The following CDH13 variants were observed in gnomAD, a reference collection of about 807,000 sequenced individuals.
CDH13 encodes cadherin 13, also known as cadherin-13.
CDH13 carries 24 observed loss-of-function variants against 63.8 expected under a neutral mutation model. The ratio of observed to expected loss-of-function variants is 0.38; its 90% confidence interval spans 0.27 to 0.53. The LOEUF is 0.53. Ranked by LOEUF, CDH13 falls within the 20% of genes least tolerant of loss-of-function variation. The pLI is 0.85. For missense variants in CDH13, 1,049 were observed against 903.1 expected (o/e 1.16, Z -2.07); for synonymous variants, 503 against 355.3 (o/e 1.42, Z -4.67).
chr16:82,815,443 G>A (rs1241306757), intron 1 of CDH13, among the ~76,000 whole-genome samples: 2 of 152,140 alleles, frequency 1.3e-5, no homozygotes, highest in Non-Finnish European at 2.9e-5. Context: ...GTGGTTGTGA[G>A]GATTACACGA....
chr16:83,125,490 G>T lies in CDH13; in HGVS notation c.472G>T (p.Asp158Tyr), dbSNP rs369911404. ...GAATCAGAGACAGCCTTTCCCAAGA[G>T]ATGTTGGCAAGGTAAGTCAGACAAA... Reference protein sequence around the residue: ...PENQRQPFPRDVGKVVDSDRP... With the variant: ...PENQRQPFPRYVGKVVDSDRP... The change falls in exon 4 of 14, where the codon GAT becomes TAT. Residue 158 changes from aspartate to tyrosine, a missense_variant. Physicochemically the swap from Asp to Tyr is radical, Grantham distance 160 (BLOSUM62 -3). Transcript: ENST00000567109. 5.0e-6 allele frequency: 8 copies of T among 1,586,078 alleles called. No individual in the cohort carries two copies. The Admixed American group carries it at 8.3e-5, about 17-fold the overall frequency.
At chr16:83,237,214 G>A (rs1042273528) in intron 5 of CDH13, among the ~76,000 whole-genome samples, 9 of 152,216 alleles carry the variant, frequency 5.9e-5, no homozygotes, top group African/African-American at 1.4e-4. Context: ...AGGGAAGGCA[G>A]AAGAGCAGCC....
chr16:83,471,275 C>CTTTT lies in CDH13; in HGVS notation c.782-15188_782-15185dup, dbSNP rs34765413. ...TGGGACCATTATTTTTCTAACCACCCTTTTTTTTTTTTTTTTTGAGACGTA... is the reference window on the plus strand; with the variant it reads ...TGGGACCATTATTTTTCTAACCACCCTTTTTTTTTTTTTTTTTTTTTGAGACGTA... On this transcript the variant is annotated intron_variant, in intron 6 of 13. Transcript: ENST00000567109. Among the ~76,000 whole-genome samples the CTTTT allele has an allele frequency of 1.5e-4, 18 of 121,970 alleles. 1 individual carries two copies. The highest frequency in any genetic ancestry group is 2.4e-4 in the East Asian group (1 of 4,212). The allele number at this position is 121,970 out of a possible 152,430, so 80.0% of individuals were successfully genotyped here. A position where few individuals can be genotyped will look rare whatever the true frequency, so the allele number is the denominator to read the frequency against.
At chr16:83,041,675 A>G (rs573001170) in intron 3 of CDH13, among the ~76,000 whole-genome samples, 45 of 152,190 alleles carry the variant, frequency 3.0e-4, no homozygotes, top group Non-Finnish European at 5.9e-4. Flanking sequence ...TTTAGCGAAA[A>G]TTTTTGTGGA....
intron 1 of CDH13, among the ~76,000 whole-genome samples, chr16:82,697,291 C>A (rs564268633): frequency 6.6e-6 from 1 of 152,056 alleles, no homozygotes; most frequent in Non-Finnish European, 1.5e-5. Context: ...GTTAATAGCA[C>A]AGTTGATCCA....
chr16:82,648,876 G>A (rs767146395), intron 1 of CDH13, among the ~76,000 whole-genome samples: 2 of 152,222 alleles, frequency 1.3e-5, no homozygotes, highest in Non-Finnish European at 2.9e-5. Flanking sequence ...CAGTGTGGAA[G>A]ATGGATTGAA....
At chr16:82,924,448 A>G (rs1481555276) in intron 2 of CDH13, among the ~76,000 whole-genome samples, 1 of 152,222 alleles carries the variant, frequency 6.6e-6, no homozygotes, top group East Asian at 1.9e-4. Context: ...ATATTTATTT[A>G]CTCAGGTGGT....
intron 5 of CDH13, among the ~76,000 whole-genome samples, chr16:83,282,380 C>T (rs1429604791): frequency 6.6e-6 from 1 of 152,096 alleles, no homozygotes; most frequent in Non-Finnish European, 1.5e-5. Context: ...TTGTAAAAAA[C>T]ACAATAGCTG....
chr16:83,096,267 A>T (rs1029270528), intron 3 of CDH13, among the ~76,000 whole-genome samples: 8 of 152,176 alleles, frequency 5.3e-5, no homozygotes, highest in Non-Finnish European at 7.3e-5. Flanking sequence ...CATGAGCTAT[A>T]TAGTATTAGT....
intron 11 of CDH13, among the ~76,000 whole-genome samples, chr16:83,777,012 T>G (rs1915163244): frequency 6.6e-6 from 1 of 152,190 alleles, no homozygotes; most frequent in Non-Finnish European, 1.5e-5. Flanking sequence ...ACTGAACCGC[T>G]GGTCTTCCCA....
intron 1 of CDH13, among the ~76,000 whole-genome samples, chr16:82,706,633 A>G (rs1372368446): frequency 6.6e-6 from 1 of 151,346 alleles, no homozygotes; most frequent in East Asian, 1.9e-4. Flanking sequence ...CGTCTCTACT[A>G]AAACTAAAAA....
chr16:83,123,384 A>C (rs555075421), intron 3 of CDH13, among the ~76,000 whole-genome samples: 1 of 151,874 alleles, frequency 6.6e-6, no homozygotes, highest in African/African-American at 2.4e-5. Flanking sequence ...GGTTCAAGTG[A>C]TTCTCCTGCC....
At chr16:82,683,761 A>G (rs1914788102) in intron 1 of CDH13, among the ~76,000 whole-genome samples, 1 of 152,214 alleles carries the variant, frequency 6.6e-6, no homozygotes, top group Admixed American at 6.5e-5. Context: ...GAGGGAGAAA[A>G]TGAGACTCAA....
intron 11 of CDH13, among the ~76,000 whole-genome samples, chr16:83,775,941 T>C (rs1323452707): frequency 1.3e-5 from 2 of 152,112 alleles, no homozygotes; most frequent in South Asian, 2.1e-4. Flanking sequence ...CCAGAAATGA[T>C]TGGAGCCAAA....
At chr16:82,857,880 T>A (rs374881236) in intron 1 of CDH13, among the ~76,000 whole-genome samples, 9 of 152,304 alleles carry the variant, frequency 5.9e-5, no homozygotes, top group Middle Eastern at 3.4e-3. Flanking sequence ...CCACCGGTGG[T>A]TCATGGTCAC....
Position 83,211,505 on chromosome 16 carries a change from G to A in CDH13, c.484-5840G>A, listed in dbSNP as rs559374518. The stretch of plus-strand genomic sequence containing the variant: ...TGCTATATAGTCTATGAGTTCATAT[G>A]TATGCAAATACATTAAAAACACACA... On this transcript the variant is annotated intron_variant, in intron 4 of 13. Transcript: ENST00000567109. Among the ~76,000 whole-genome samples the A allele has an allele frequency of 1.4e-4, 22 of 152,268 alleles. No individual in the cohort carries two copies. In the South Asian group the frequency reaches 3.7e-3, roughly 26 times the overall value.
At chr16:83,303,436 C>T (rs1271326178) in intron 5 of CDH13, among the ~76,000 whole-genome samples, 2 of 152,076 alleles carry the variant, frequency 1.3e-5, no homozygotes, top group Admixed American at 1.3e-4. Context: ...AATGAATAAG[C>T]CCAGTGCTGA....
At chr16:83,268,584 C>T (rs980438437) in intron 5 of CDH13, among the ~76,000 whole-genome samples, 1 of 152,146 alleles carries the variant, frequency 6.6e-6, no homozygotes. Flanking sequence ...ACAAAGTCTA[C>T]GTTTCTACGT....
At chr16:82,826,458 CAT>C (rs962723190) in intron 1 of CDH13, 7 of 152,090 alleles carry the variant, frequency 4.6e-5, no homozygotes, top group African/African-American at 1.7e-4. Flanking sequence ...GTAATTGAAA[CAT>C]GTTGGTAATT....
Sources: gnomAD v4.1 joint callset for allele counts (sites outside exome capture counted in the v4.1 genomes callset) on GRCh38, gnomAD v4.1.1 for gene constraint, MANE v1.5 for transcripts, NCBI Gene and HGNC (gene_info 2026-07-23, HGNC 2026-07-21) for gene names.